The following ROR1 variants were observed in gnomAD, a reference collection of about 807,000 sequenced individuals.
The protein encoded by ROR1 is inactive tyrosine-protein kinase transmembrane receptor ROR1.
In ROR1, 19 loss-of-function variants were observed where a neutral mutation model predicts 78.8. The ratio of observed to expected loss-of-function variants is 0.24; its 90% CI spans 0.17 to 0.35. The LOEUF (loss-of-function observed/expected upper bound fraction) is 0.35, where lower values mean the gene tolerates loss of function less well. Among genes scored for constraint, ROR1 ranks in the 10% least tolerant of loss-of-function variants. The probability of loss-of-function intolerance (pLI) is 1.00; values close to 1 mark genes in which losing one functional copy is unlikely to be tolerated. For synonymous variants in ROR1, 386 were observed against 433.6 expected (o/e 0.89, Z 1.36); for missense variants, 917 against 1,177.8 (o/e 0.78, Z 3.24).
At chr1:63,782,108 T>C (rs1035782864) in intron 1 of ROR1, among the ~76,000 whole-genome samples, 3 of 152,228 alleles carry the variant, frequency 2.0e-5, no homozygotes, top group Non-Finnish European at 4.4e-5. Flanking sequence ...AACCAAATAT[T>C]CTGATAGTCT....
At position 63,809,362 on chromosome 1, in the gene ROR1, G is replaced by C. The variant is rs114845833; in HGVS notation, c.91+34854G>C. 4.5e-3 allele frequency among the ~76,000 whole-genome samples: 686 copies of C among 152,302 alleles called. 6 individuals carry two copies. Among genetic ancestry groups the C allele is most frequent in the African/African-American group, 0.016 (663 of 41,560 alleles). Reference sequence around the variant, plus strand: ...TATTGGGAACAAAGCGGGAGAACAAGACAGAAAGTTTCCCTGGAAGAGCAA... The same window carrying C: ...TATTGGGAACAAAGCGGGAGAACAACACAGAAAGTTTCCCTGGAAGAGCAA... On this transcript the variant is annotated intron_variant, in intron 1 of 8. Coordinates refer to ENST00000371079, the MANE Select transcript of ROR1 (RefSeq NM_005012.4).
rs1208813882 is a variant in ROR1 at position 64,014,740 on chromosome 1, C to CTATATATATATATATATATATATATA, written c.163+5373_163+5398dup. Reference sequence around the variant, plus strand: ...ATATATATATATACACATACGCACACTATATATATATATATATATATATAT... The same window carrying CTATATATATATATATATATATATATA: ...ATATATATATATACACATACGCACACTATATATATATATATATATATATATATATATATATATATATATATATATAT... On this transcript the variant is annotated intron_variant, in intron 2 of 8. Transcript: ENST00000371079. Among the ~76,000 whole-genome samples, 35 of 29,042 alleles carry CTATATATATATATATATATATATATA rather than the reference C, an allele frequency of 1.2e-3. 1 individual carries two copies. The highest frequency in any genetic ancestry group is 1.9e-3 in the African/African-American group (17 of 8,970). 19.1% of individuals were successfully genotyped at this position (29,042 alleles called of 152,430 possible).
chr1:64,084,428 C>T (rs1028710650), intron 4 of ROR1, among the ~76,000 whole-genome samples: 23 of 152,318 alleles, frequency 1.5e-4, no homozygotes, highest in African/African-American at 5.5e-4. Flanking sequence ...AGTCTGTAAG[C>T]TCTTAAGTAT....
intron 2 of ROR1, among the ~76,000 whole-genome samples, chr1:64,030,898 TA>T (rs1646654901): frequency 6.6e-6 from 1 of 152,152 alleles, no homozygotes; most frequent in African/African-American, 2.4e-5. Context: ...TGTACATATG[TA>T]TGTGTGTTTT....
chr1:64,110,602 G>C (rs1648053139), intron 4 of ROR1: 2 of 151,992 alleles, frequency 1.3e-5, no homozygotes, highest in African/African-American at 2.4e-5. Flanking sequence ...TTCAAAGTTA[G>C]TACTCAATAT....
At chr1:64,134,135 T>G (rs1237512663) in intron 4 of ROR1, among the ~76,000 whole-genome samples, 3 of 152,138 alleles carry the variant, frequency 2.0e-5, no homozygotes, top group African/African-American at 7.2e-5. Flanking sequence ...CTGCGTAACT[T>G]TGGATAAGTT....
At chr1:63,903,307 G>C (rs1413714205) in intron 1 of ROR1, among the ~76,000 whole-genome samples, 2 of 152,126 alleles carry the variant, frequency 1.3e-5, no homozygotes, top group African/African-American at 4.8e-5. Context: ...TCAGATTAAA[G>C]TATATTTTCT....
chr1:64,171,794 T>C (rs1466491248), intron 8 of ROR1, among the ~76,000 whole-genome samples: 5 of 152,306 alleles, frequency 3.3e-5, no homozygotes, highest in African/African-American at 1.2e-4. Context: ...TACTTCAAGT[T>C]AGACTCAAAA....
intron 1 of ROR1, among the ~76,000 whole-genome samples, chr1:63,783,136 C>T (rs1329028129): frequency 1.1e-4 from 16 of 152,056 alleles, no homozygotes. Flanking sequence ...AGCTGATCTC[C>T]AGGGGATGGG....
chr1:63,883,735 TTGAGTTCTGAGTC>T (rs1645338530), intron 1 of ROR1, among the ~76,000 whole-genome samples: 1 of 152,150 alleles, frequency 6.6e-6, no homozygotes, highest in South Asian at 2.1e-4. Context: ...TTTTGCCAGC[TTGAGTTCTGAGTC>T]TGATTTCTCA....
intron 1 of ROR1, among the ~76,000 whole-genome samples, chr1:63,878,928 C>A (rs1645306185): frequency 6.6e-6 from 1 of 152,094 alleles, no homozygotes; most frequent in Non-Finnish European, 1.5e-5. Context: ...CCTGAGCCTC[C>A]ATTTGTTGAA....
intron 1 of ROR1, among the ~76,000 whole-genome samples, chr1:63,801,250 A>G (rs1047877116): frequency 4.6e-5 from 7 of 152,012 alleles, no homozygotes; most frequent in Admixed American, 1.3e-4. Flanking sequence ...TGAATCTTCT[A>G]CTCATAACAT....
intron 7 of ROR1, chr1:64,143,273 ACT>A: frequency 1.0e-6 from 1 of 978,176 alleles, no homozygotes; most frequent in Non-Finnish European, 1.2e-6. Flanking sequence ...TAATCCCAAC[ACT>A]CTAGGAAGGC....
chr1:64,008,238 A>G (rs576668855), intron 1 of ROR1, among the ~76,000 whole-genome samples: 1 of 152,260 alleles, frequency 6.6e-6, no homozygotes, highest in Admixed American at 6.5e-5. Context: ...CTTCTCTGTT[A>G]ATTCACTTAG....
intron 1 of ROR1, among the ~76,000 whole-genome samples, chr1:63,996,494 C>T (rs187726895): frequency 4.6e-5 from 7 of 152,240 alleles, no homozygotes; most frequent in Non-Finnish European, 8.8e-5. Flanking sequence ...AGATTCTACA[C>T]GCCCAGGCTA....
intron 1 of ROR1, among the ~76,000 whole-genome samples, chr1:63,956,878 G>A (rs1000834494): frequency 1.3e-5 from 2 of 152,094 alleles, no homozygotes; most frequent in African/African-American, 4.8e-5. Context: ...TAATGTAATG[G>A]AGTTGAAAAC....
chr1:64,050,656 G>C (rs766011021), intron 3 of ROR1, 30 bp from the exon 4 acceptor site: 1 of 1,610,946 alleles, frequency 6.2e-7, no homozygotes, highest in Admixed American at 1.7e-5. Context: ...TAGACTGACT[G>C]TTTCTTTTGT....
intron 1 of ROR1, among the ~76,000 whole-genome samples, chr1:63,941,460 A>G (rs949450366): frequency 5.9e-5 from 9 of 152,214 alleles, no homozygotes; most frequent in African/African-American, 1.9e-4. Flanking sequence ...AATAATTTCA[A>G]AGTAAAAGGT....
At chr1:64,024,165 T>C (rs761283159) in intron 2 of ROR1, among the ~76,000 whole-genome samples, 31 of 152,176 alleles carry the variant, frequency 2.0e-4, no homozygotes, top group Non-Finnish European at 4.0e-4. Flanking sequence ...GGTAATTCTT[T>C]ATAGCAGTGT....
Sources: gnomAD v4.1 joint callset for allele counts (sites outside exome capture counted in the v4.1 genomes callset) on GRCh38, gnomAD v4.1.1 for gene constraint, MANE v1.5 for transcripts, NCBI Gene and HGNC (gene_info 2026-07-23, HGNC 2026-07-21) for gene names.